The following GNG7 variants were observed in gnomAD, a reference collection of about 807,000 sequenced individuals.
GNG7 encodes guanine nucleotide-binding protein G(I)/G(S)/G(O) subunit gamma-7.
In GNG7, 1 loss-of-function variant was observed where a neutral mutation model predicts 4.0. The ratio of observed to expected loss-of-function variants is 0.25; its 90% CI spans 0.09 to 1.18. The LOEUF (loss-of-function observed/expected upper bound fraction) is 1.18. Among genes scored for constraint, GNG7 ranks in the 50% most tolerant of loss-of-function variants. The pLI, the probability that GNG7 is intolerant of heterozygous loss-of-function variation, is 0.50. For missense variants in GNG7, 86 were observed against 91.9 expected (o/e 0.94, Z 0.26); for synonymous variants, 34 against 36.9 (o/e 0.92, Z 0.29).
At chr19:2,688,231 C>A (rs1047532294) in intron 1 of GNG7, among the ~76,000 whole-genome samples, 1 of 152,202 alleles carries the variant, frequency 6.6e-6, no homozygotes, top group East Asian at 1.9e-4. Context: ...CCAGCCTGGG[C>A]GACAGAGCGA....
intron 2 of GNG7, among the ~76,000 whole-genome samples, chr19:2,598,197 C>G (rs113890167): frequency 6.7e-6 from 1 of 148,928 alleles, no homozygotes; most frequent in East Asian, 2.0e-4. Flanking sequence ...GCAACGCTTA[C>G]GAAAACCAAG....
intron 1 of GNG7, among the ~76,000 whole-genome samples, chr19:2,667,741 C>G (rs576830870): frequency 6.6e-6 from 1 of 152,114 alleles, no homozygotes; most frequent in Non-Finnish European, 1.5e-5. Flanking sequence ...ATGGTGAAAC[C>G]CCGTCTCTAC....
intron 1 of GNG7, among the ~76,000 whole-genome samples, chr19:2,656,315 A>C (rs961134720): frequency 2.6e-5 from 4 of 152,220 alleles, no homozygotes; most frequent in African/African-American, 9.6e-5. Context: ...GGATACAGAA[A>C]ATGTGAGGCC....
intron 3 of GNG7, among the ~76,000 whole-genome samples, chr19:2,549,914 G>T (rs1176582836): frequency 6.6e-6 from 1 of 152,244 alleles, no homozygotes; most frequent in Non-Finnish European, 1.5e-5. Flanking sequence ...CAATGAAATG[G>T]AGTGTGTGGT....
intron 1 of GNG7, among the ~76,000 whole-genome samples, chr19:2,692,303 C>T (rs1266064361): frequency 6.6e-6 from 1 of 152,130 alleles, no homozygotes; most frequent in East Asian, 1.9e-4. Flanking sequence ...TTTGATTCCT[C>T]CTGGCTTTGT....
At chr19:2,582,655 A>ATTT (rs1980535677) in intron 2 of GNG7, among the ~76,000 whole-genome samples, 1 of 102,074 alleles carries the variant, frequency 9.8e-6, no homozygotes, top group African/African-American at 4.4e-5. Context: ...GCTAATTGTT[A>ATTT]ATTTTTTTTT....
chr19:2,687,183 G>A (rs1017872982), intron 1 of GNG7, among the ~76,000 whole-genome samples: 18 of 151,760 alleles, frequency 1.2e-4, no homozygotes, highest in South Asian at 4.2e-4. Context: ...TCGGACTCCC[G>A]AGTAGCTGGG....
Position 2,546,834 on chromosome 19 carries a change from A to G in GNG7, c.-38+8315T>C, listed in dbSNP as rs1042935140. On this transcript the variant is annotated intron_variant, in intron 3 of 4. Coordinates refer to ENST00000382159, the MANE Select transcript of GNG7 (RefSeq NM_052847.3). The surrounding 1 kb of genome is among the most constrained non-coding windows in gnomAD (Gnocchi z 6.3). ...CGGGGGATGACCACGGTCATGTGAG[A>G]GTTTGCAAGCCCGGGAACCGGGGCC... Among the ~76,000 whole-genome samples, 1 of 151,912 alleles carries G rather than the reference A, an allele frequency of 6.6e-6. No homozygotes were observed. The highest frequency in any genetic ancestry group is 2.4e-5 in the African/African-American group (1 of 41,358).
At position 2,611,104 on chromosome 19, in the gene GNG7, C is replaced by G. The variant is rs1981549996; in HGVS notation, c.-78+35120G>C. 6.6e-6 allele frequency: 1 copy of G among 152,178 alleles called. No individual in the cohort carries two copies. The highest frequency in any genetic ancestry group is 2.1e-4 in the South Asian group (1 of 4,830). The allele number at this position is 152,178 out of a possible 1,614,324, so 9.4% of individuals were successfully genotyped here. A position where few individuals can be genotyped will look rare whatever the true frequency, so the allele number is the denominator to read the frequency against. ...CAATCTGCTTTCTGGGAAGTGGGCC[C>G]CTCGCACCGGGTGCGGCGCCCAGGG... is the stretch of plus-strand genomic sequence containing the variant. On this transcript the variant is annotated intron_variant, in intron 2 of 4. Transcript: ENST00000382159. This position sits in a 1 kb window ranked among gnomAD's most constrained non-coding sequence, Gnocchi z 6.0.
At chr19:2,547,650 C>A (rs958320046) in intron 3 of GNG7, among the ~76,000 whole-genome samples, 4 of 152,200 alleles carry the variant, frequency 2.6e-5, no homozygotes, top group Non-Finnish European at 4.4e-5. Context: ...GTCTTTGAGG[C>A]CTTTGTTCTG....
At chr19:2,621,470 G>GCT (rs1981866885) in intron 2 of GNG7, among the ~76,000 whole-genome samples, 8 of 151,936 alleles carry the variant, frequency 5.3e-5, no homozygotes, top group Admixed American at 2.0e-4. Context: ...GGCCGAGGTG[G>GCT]GCAGATCACC....
At chr19:2,576,224 G>A (rs1347477095) in intron 2 of GNG7, among the ~76,000 whole-genome samples, 3 of 152,256 alleles carry the variant, frequency 2.0e-5, no homozygotes, top group Non-Finnish European at 4.4e-5. Flanking sequence ...ACCGCAGTGG[G>A]GCGGCCTCGG....
intron 2 of GNG7, among the ~76,000 whole-genome samples, chr19:2,613,997 G>A (rs1475300215): frequency 1.3e-5 from 2 of 152,214 alleles, no homozygotes; most frequent in African/African-American, 4.8e-5. Flanking sequence ...GACATCTAAA[G>A]GCCGGCAAGT....
chr19:2,558,431 G>A (rs1473444840), intron 2 of GNG7, among the ~76,000 whole-genome samples: 1 of 151,394 alleles, frequency 6.6e-6, no homozygotes, highest in Non-Finnish European at 1.5e-5. Context: ...ATGGGGTTTT[G>A]CCATGTTGCC....
intron 2 of GNG7, among the ~76,000 whole-genome samples, chr19:2,558,393 C>T (rs546602799): frequency 6.6e-6 from 1 of 151,752 alleles, no homozygotes; most frequent in African/African-American, 2.4e-5. Flanking sequence ...CATGCCACCA[C>T]ACCCAGCTAA....
chr19:2,523,910 A>C (rs1438911333), intron 3 of GNG7, among the ~76,000 whole-genome samples: 2 of 152,132 alleles, frequency 1.3e-5, no homozygotes, highest in Non-Finnish European at 2.9e-5. Flanking sequence ...GGGGCAGAGA[A>C]GGCCCAATCT....
At chr19:2,658,088 T>A (rs1983042269) in intron 1 of GNG7, among the ~76,000 whole-genome samples, 1 of 152,164 alleles carries the variant, frequency 6.6e-6, no homozygotes, top group African/African-American at 2.4e-5. Flanking sequence ...TTGGTGGTAG[T>A]GGTCCCCCGG....
At chr19:2,533,779 A>G (rs536169036) in intron 3 of GNG7, among the ~76,000 whole-genome samples, 1 of 152,250 alleles carries the variant, frequency 6.6e-6, no homozygotes, top group South Asian at 2.1e-4. Context: ...AAAGGTAGAA[A>G]ATGCAGGAAG....
intron 2 of GNG7, among the ~76,000 whole-genome samples, chr19:2,560,604 T>TGCTCCAGAGAAGGATCCAGCCCC (rs1979711832): frequency 6.6e-6 from 1 of 152,046 alleles, no homozygotes; most frequent in Non-Finnish European, 1.5e-5. Flanking sequence ...AGGACGGCCC[T>TGCTCCAGAGAAGGATCCAGCCCC]GCTCCAGAGA....
Sources: allele counts gnomAD v4.1 joint callset (sites outside exome capture counted in the v4.1 genomes callset), GRCh38; gene constraint gnomAD v4.1.1; non-coding constraint Gnocchi (gnomAD v3.1); transcripts MANE v1.5; gene names NCBI Gene and HGNC (gene_info 2026-07-23, HGNC 2026-07-21).